The following SOX5 variants were observed in gnomAD, a reference collection of about 807,000 sequenced individuals.
SOX5 encodes the protein transcription factor SOX-5.
A neutral mutation model predicts 92.0 loss-of-function variants in SOX5; 9 were observed. That is an observed-to-expected ratio of 0.10 (90% confidence interval 0.06 to 0.17). The LOEUF is 0.17. SOX5 is among the 10% of genes least tolerant of loss of function. SOX5 has a pLI of 1.00. For missense variants in SOX5, 642 were observed against 944.5 expected, an observed-to-expected ratio of 0.68 and a Z score of 4.20; for synonymous variants, 344 against 336.3, an observed-to-expected ratio of 1.02 and a Z score of -0.25.
intron 1 of SOX5, among the ~76,000 whole-genome samples, chr12:24,476,622 C>T (rs2096656028): frequency 6.6e-6 from 1 of 152,172 alleles, no homozygotes; most frequent in African/African-American, 2.4e-5. Context: ...ACTCCTCCAG[C>T]CCAGGCCCCC....
At chr12:24,375,449 A>G (rs1402529516) in intron 1 of SOX5, among the ~76,000 whole-genome samples, 1 of 151,846 alleles carries the variant, frequency 6.6e-6, no homozygotes, top group Admixed American at 6.6e-5. Flanking sequence ...AGAAGCGAGA[A>G]TAAGGCCGGG....
chr12:23,615,413 A>G (rs10771007), intron 8 of SOX5, among the ~76,000 whole-genome samples: 86,763 of 151,974 alleles, frequency 0.57, 26,282 homozygotes, highest in African/African-American at 0.78. Flanking sequence ...AACTTGTGTC[A>G]GGGGAATTGT....
chr12:23,910,233 T>C (rs2097337051), intron 1 of SOX5, among the ~76,000 whole-genome samples: 1 of 152,248 alleles, frequency 6.6e-6, no homozygotes, highest in Admixed American at 6.5e-5. Context: ...AAATCTAGGA[T>C]ATATAAATTA....
At chr12:23,838,062 ATATATAT>A (rs1461925027) in intron 3 of SOX5, among the ~76,000 whole-genome samples, 9 of 85,006 alleles carry the variant, frequency 1.1e-4, no homozygotes, top group African/African-American at 4.1e-4. Context: ...ATTTATACTT[ATATATAT>A]TATATTTATA....
intron 6 of SOX5, among the ~76,000 whole-genome samples, chr12:23,729,991 G>T (rs965820385): frequency 6.6e-6 from 1 of 152,074 alleles, no homozygotes; most frequent in Admixed American, 6.6e-5. Flanking sequence ...TAGGTCTCCA[G>T]GAACACTCAA....
chr12:23,546,217 T>TA (rs1943108860), intron 12 of SOX5, 99 bp downstream of exon 12: 11 of 694,666 alleles, frequency 1.6e-5, no homozygotes, highest in Non-Finnish European at 2.8e-5. Flanking sequence ...AATGATGAGG[T>TA]ATGAGGTGGC....
chr12:23,637,449 T>G (rs186534784), intron 8 of SOX5, among the ~76,000 whole-genome samples: 1 of 152,216 alleles, frequency 6.6e-6, no homozygotes. Context: ...CTCCCCTCAT[T>G]AAAACCTTGC....
At chr12:24,343,805 T>C (rs1048156146) in intron 2 of SOX5, among the ~76,000 whole-genome samples, 2 of 152,006 alleles carry the variant, frequency 1.3e-5, no homozygotes, top group African/African-American at 4.8e-5. Context: ...AAGGCAGAAG[T>C]AGGAAGTGAA....
At chr12:24,047,678 C>A (rs1176278145) in intron 4 of SOX5, among the ~76,000 whole-genome samples, 1 of 152,198 alleles carries the variant, frequency 6.6e-6, no homozygotes, top group African/African-American at 2.4e-5. Flanking sequence ...TATGCAAATA[C>A]CTCGGCTTTA....
At chr12:24,497,628 G>C (rs1566312023) in intron 1 of SOX5, among the ~76,000 whole-genome samples, 1 of 152,150 alleles carries the variant, frequency 6.6e-6, no homozygotes, top group Non-Finnish European at 1.5e-5. Flanking sequence ...AACCATTGTG[G>C]AAGACAGTGT....
chr12:23,534,856 C>A (rs1449811178), intron 14 of SOX5, among the ~76,000 whole-genome samples: 1 of 152,002 alleles, frequency 6.6e-6, no homozygotes, highest in Non-Finnish European at 1.5e-5. Flanking sequence ...AATACAGGCG[C>A]CTGCCACCAC....
At chr12:24,222,553 G>A (rs1960731726) in intron 3 of SOX5, among the ~76,000 whole-genome samples, 1 of 152,054 alleles carries the variant, frequency 6.6e-6, no homozygotes, top group Non-Finnish European at 1.5e-5. Context: ...GGAAAAAGCA[G>A]GCGTTCATCA....
At chr12:23,684,029 A>G (rs900041615) in intron 6 of SOX5, among the ~76,000 whole-genome samples, 1 of 152,022 alleles carries the variant, frequency 6.6e-6, no homozygotes, top group Admixed American at 6.6e-5. Context: ...TAGAGAAGGG[A>G]AAAACCTAAA....
intron 3 of SOX5, among the ~76,000 whole-genome samples, chr12:23,817,836 C>T (rs1048914411): frequency 1.3e-5 from 2 of 152,100 alleles, no homozygotes; most frequent in Non-Finnish European, 2.9e-5. Flanking sequence ...CAAAAGACCA[C>T]GAACAACTTG....
intron 2 of SOX5, among the ~76,000 whole-genome samples, chr12:24,350,468 C>T (rs374940084): frequency 4.6e-5 from 7 of 152,108 alleles, no homozygotes; most frequent in African/African-American, 1.2e-4. Context: ...CTCAGCCTTC[C>T]GAGTAGGTGG....
chr12:23,568,781 A>T (rs1302878254), intron 10 of SOX5, among the ~76,000 whole-genome samples: 6 of 151,968 alleles, frequency 3.9e-5, no homozygotes, highest in African/African-American at 1.5e-4. Flanking sequence ...CATGAAAGCC[A>T]CCTGATATCT....
intron 1 of SOX5, among the ~76,000 whole-genome samples, chr12:24,559,160 C>T (rs1223513327): frequency 6.6e-6 from 1 of 152,190 alleles, no homozygotes; most frequent in Non-Finnish European, 1.5e-5. Flanking sequence ...GCACTTTCTT[C>T]GCCTTTAAAA....
chr12:23,873,287 A>G (rs1377753175), intron 2 of SOX5, among the ~76,000 whole-genome samples: 2 of 144,446 alleles, frequency 1.4e-5, no homozygotes, highest in African/African-American at 5.2e-5. Context: ...CCTGGGCAAC[A>G]TGGAGAAACT....
chr12:24,394,336 A>G (rs1959295529), intron 1 of SOX5, among the ~76,000 whole-genome samples: 1 of 152,166 alleles, frequency 6.6e-6, no homozygotes, highest in Non-Finnish European at 1.5e-5. Flanking sequence ...TAGTTTCCCA[A>G]AAGTCTTCAG....
Sources: allele counts gnomAD v4.1 joint callset (sites outside exome capture counted in the v4.1 genomes callset), GRCh38; gene constraint gnomAD v4.1.1; transcripts MANE v1.5; gene names NCBI Gene and HGNC (gene_info 2026-07-23, HGNC 2026-07-21).